SLC35E1: variants seen among roughly 807,000 people sequenced by gnomAD.
SLC35E1 encodes the protein solute carrier family 35, member E1.
SLC35E1 carries 12 observed loss-of-function variants against 31.0 expected under a neutral mutation model. The observed-to-expected ratio is 0.39, with a 90% confidence interval of 0.25 to 0.63. SLC35E1 has a LOEUF of 0.63. SLC35E1 is among the 20% of genes least tolerant of loss of function. The pLI is 0.52. For missense variants in SLC35E1, 429 were observed against 572.2 expected (o/e 0.75, Z 2.55); for synonymous variants, 257 against 264.1 (o/e 0.97, Z 0.26).
At chr19:16,563,295 G>T (rs1306157889) in intron 4 of SLC35E1, among the ~76,000 whole-genome samples, 1 of 151,860 alleles carries the variant, frequency 6.6e-6, no homozygotes, top group Non-Finnish European at 1.5e-5. Context: ...TTGCATTCTA[G>T]CCTAGGAGAC....
chr19:16,562,894 G>A (rs912728194), intron 4 of SLC35E1, among the ~76,000 whole-genome samples: 6 of 152,102 alleles, frequency 3.9e-5, no homozygotes, highest in South Asian at 4.1e-4. Flanking sequence ...TTTGTTTTAC[G>A]TAGAGACGGG....
Position 16,550,124 on chromosome 19 carries a change from T to A in SLC35E1, c.*3555A>T, listed in dbSNP as rs1308699287. 1.3e-5 allele frequency: 2 copies of A among 152,184 alleles called. No individual in the cohort carries two copies. Among genetic ancestry groups the A allele is most frequent in the Non-Finnish European group, 2.9e-5 (2 of 68,032 alleles). The allele number at this position is 152,184 out of a possible 1,614,324, so 9.4% of individuals were successfully genotyped here. On this transcript the variant is annotated 3_prime_UTR_variant, in exon 6 of 6. Coordinates refer to ENST00000595753, the MANE Select transcript of SLC35E1 (RefSeq NM_024881.5). ...GCAAGTGCTTCCTCACTTGAACGGA[T>A]CTGGCCCCTTTGTGGTAGGGGCTTG...
intron 5 of SLC35E1, among the ~76,000 whole-genome samples, chr19:16,554,311 G>A (rs995668073): frequency 2.0e-5 from 3 of 150,954 alleles, no homozygotes; most frequent in Admixed American, 1.3e-4. Flanking sequence ...CTCCGGGGCC[G>A]GCATAAGTCA....
chr19:16,554,096 C>T (rs1284497818), intron 5 of SLC35E1, among the ~76,000 whole-genome samples, 187 bp from the exon 6 acceptor site: 1 of 150,640 alleles, frequency 6.6e-6, no homozygotes, highest in East Asian at 2.0e-4. Context: ...AAAACCCCGT[C>T]TCTACTAAAA....
rs1448411460 is a variant in SLC35E1 at position 16,566,557 on chromosome 19, G to T, written c.731C>A (p.Ser244Ter). The change falls in exon 4 of 6, where the codon TCG becomes TAG. Residue 244 changes from serine to a stop codon, truncating the protein, a stop_gained. Coordinates refer to ENST00000595753, the MANE Select transcript of SLC35E1 (RefSeq NM_024881.5). LOFTEE classifies it high-confidence loss of function. The stretch of plus-strand genomic sequence containing the variant: ...CAAGTCGCTGCTGACCAGGAAAGCC[G>T]AGAGGTCCACCAGAACCCAGGTGGG... ...MIPTWVLVDL[S>*]AFLVSSDLTY... The T allele has an allele frequency of 6.2e-7, 1 of 1,612,596 alleles. No homozygotes were observed. Among genetic ancestry groups the T allele is most frequent in the Non-Finnish European group, 8.5e-7 (1 of 1,180,040 alleles).
At chr19:16,560,933 G>A (rs2085902228) in intron 4 of SLC35E1, among the ~76,000 whole-genome samples, 1 of 146,772 alleles carries the variant, frequency 6.8e-6, no homozygotes, top group Admixed American at 6.8e-5. Flanking sequence ...CAGGTGTGGT[G>A]GCTCACGCCT....
At chr19:16,571,899 G>A (rs1483431093) in intron 1 of SLC35E1, 45 bp downstream of exon 1, 2 of 1,520,572 alleles carry the variant, frequency 1.3e-6, no homozygotes, top group South Asian at 2.5e-5. Context: ...CAAACCCGAA[G>A]CGGCGGGCCC....
intron 1 of SLC35E1, 104 bp downstream of exon 1, chr19:16,571,840 C>G: frequency 7.9e-7 from 1 of 1,273,138 alleles, no homozygotes; most frequent in Non-Finnish European, 1.1e-6. Context: ...CTGCTGACTT[C>G]TCAGTCCGGC....
intron 3 of SLC35E1, among the ~76,000 whole-genome samples, chr19:16,567,500 G>C (rs548385254): frequency 6.6e-6 from 1 of 152,264 alleles, no homozygotes; most frequent in African/African-American, 2.4e-5. Context: ...GTGAGCCTTG[G>C]TCTCAATAAA....
At position 16,555,545 on chromosome 19, in the gene SLC35E1, C is replaced by A; in HGVS notation, c.757-148G>T. ...CAGGCAGCCAGTCCAGATGTGTCAC[C>A]AAGAGACACTAGGTGCTTTAGGTCC... On this transcript the variant is annotated intron_variant, in intron 4 of 5. Coordinates refer to ENST00000595753, the MANE Select transcript of SLC35E1 (RefSeq NM_024881.5). The surrounding 1 kb of genome is among the most constrained non-coding windows in gnomAD (Gnocchi z 4.1). The A allele has an allele frequency of 1.9e-6, 2 of 1,056,676 alleles. No homozygotes were observed. The highest frequency in any genetic ancestry group is 1.3e-6 in the Non-Finnish European group (1 of 750,184). The allele number at this position is 1,056,676 out of a possible 1,614,324, so 65.5% of individuals were successfully genotyped here.
At chr19:16,556,312 A>C (rs1418399338) in intron 4 of SLC35E1, among the ~76,000 whole-genome samples, 1 of 151,794 alleles carries the variant, frequency 6.6e-6, no homozygotes, top group Non-Finnish European at 1.5e-5. Context: ...ATTCGAGGGC[A>C]GCCTGGGCAA....
rs2287869 is a variant in SLC35E1, at chr19:16,555,290, G to T, written c.864C>A (p.Pro288=). Residue 288 remains proline (P), a synonymous_variant, in exon 5 of 6, where the codon CCC becomes CCA. Coordinates refer to ENST00000595753, the MANE Select transcript of SLC35E1 (RefSeq NM_024881.5). This position sits in a 1 kb window ranked among gnomAD's most constrained non-coding sequence, Gnocchi z 4.1. ...TGGCATTGGCGACCGAGTAGCTCAG[G>T]GGGCTAACGAGGTTGAGGATGCTGA... The part of the protein sequence containing the change: ...IAFSILNLVS[P]LSYSVANATK... 3.7e-6 allele frequency: 6 copies of T among 1,613,838 alleles called. No homozygotes were observed. The highest frequency in any genetic ancestry group is 4.2e-6 in the Non-Finnish European group (5 of 1,179,980).
chr19:16,562,840 C>T (rs1262902313), intron 4 of SLC35E1, among the ~76,000 whole-genome samples: 1 of 152,152 alleles, frequency 6.6e-6, no homozygotes, highest in African/African-American at 2.4e-5. Context: ...TCCCAAGTAG[C>T]TCGGACTACA....
chr19:16,558,339 C>G (rs1027891219), intron 4 of SLC35E1, among the ~76,000 whole-genome samples: 1 of 150,048 alleles, frequency 6.7e-6, no homozygotes, highest in Non-Finnish European at 1.5e-5. Flanking sequence ...CCACCACACC[C>G]GGCCTATTTT....
intron 4 of SLC35E1, chr19:16,556,846 G>C: frequency 4.2e-6 from 2 of 471,102 alleles, no homozygotes; most frequent in Admixed American, 4.7e-5. Flanking sequence ...CCTCTCAAAT[G>C]CAAGAAGACA....
chr19:16,569,326 C>T (rs566481003), intron 2 of SLC35E1, among the ~76,000 whole-genome samples: 4 of 152,316 alleles, frequency 2.6e-5, no homozygotes, highest in African/African-American at 9.6e-5. Context: ...CCCAGCCTCT[C>T]CACCCACTCT....
intron 4 of SLC35E1, among the ~76,000 whole-genome samples, chr19:16,561,803 C>A (rs149445845): frequency 2.4e-4 from 36 of 152,342 alleles, no homozygotes; most frequent in African/African-American, 7.9e-4. Context: ...GGAACCCAGA[C>A]ATGTGGGAAC....
intron 4 of SLC35E1, among the ~76,000 whole-genome samples, chr19:16,563,158 TA>T (rs2085915506): frequency 6.6e-6 from 1 of 151,840 alleles, no homozygotes; most frequent in Non-Finnish European, 1.5e-5. Flanking sequence ...CCACCTCTAG[TA>T]AAAACACACA....
At chr19:16,563,946 C>T (rs1418494672) in intron 4 of SLC35E1, among the ~76,000 whole-genome samples, 7 of 152,188 alleles carry the variant, frequency 4.6e-5, no homozygotes, top group East Asian at 1.9e-4. Flanking sequence ...ATACCAGCGA[C>T]GAGATCTAAA....
Sources: gnomAD v4.1 joint callset for allele counts (sites outside exome capture counted in the v4.1 genomes callset) on GRCh38, gnomAD v4.1.1 for gene constraint, Gnocchi (gnomAD v3.1) non-coding constraint, MANE v1.5 for transcripts, NCBI Gene and HGNC (gene_info 2026-07-23, HGNC 2026-07-21) for gene names.